NRG1: variants seen among roughly 807,000 people sequenced by gnomAD.
The protein encoded by NRG1 is pro-neuregulin-1, membrane-bound isoform.
Under a neutral mutation model 63.8 loss-of-function variants are expected in NRG1, and 18 were observed. The observed-to-expected ratio is 0.28, with a 90% CI of 0.19 to 0.42. NRG1 has a LOEUF of 0.42. Among genes scored for constraint, NRG1 ranks in the 10% least tolerant of loss-of-function variants. The probability of loss-of-function intolerance (pLI) is 1.00; values close to 1 mark genes in which losing one functional copy is unlikely to be tolerated. For missense variants in NRG1, 762 were observed against 814.7 expected (o/e 0.94, Z 0.79); for synonymous variants, 302 against 301.3 (o/e 1.00, Z -0.02).
intron 1 of NRG1, among the ~76,000 whole-genome samples, chr8:31,980,505 G>T (rs901039177): frequency 6.6e-5 from 10 of 151,940 alleles, no homozygotes; most frequent in African/African-American, 2.4e-4. Flanking sequence ...TTACATTTTG[G>T]CTTAGAAAAT....
intron 1 of NRG1, among the ~76,000 whole-genome samples, chr8:32,249,335 A>G (rs181721651): frequency 5.1e-4 from 77 of 152,232 alleles, no homozygotes; most frequent in African/African-American, 1.7e-3. Flanking sequence ...ACATGTAGAC[A>G]TTAAAGCAGA....
intron 1 of NRG1, among the ~76,000 whole-genome samples, chr8:31,790,001 C>T (rs772199521): frequency 2.6e-5 from 4 of 151,962 alleles, no homozygotes; most frequent in Non-Finnish European, 4.4e-5. Context: ...CAATAATATG[C>T]GGGTAAAAGG....
intron 1 of NRG1, among the ~76,000 whole-genome samples, chr8:31,807,012 A>G (rs532357802): frequency 4.6e-4 from 70 of 152,378 alleles, no homozygotes; most frequent in African/African-American, 1.6e-3. Flanking sequence ...CGTATCTCCA[A>G]GGAAAACTAC....
intron 1 of NRG1, among the ~76,000 whole-genome samples, chr8:32,092,808 A>G (rs949705906): frequency 2.0e-5 from 3 of 152,162 alleles, no homozygotes; most frequent in Admixed American, 6.5e-5. Flanking sequence ...CCAGTGCACC[A>G]TGCATTGCAA....
chr8:31,772,764 A>G lies in NRG1; in HGVS notation c.37+133333A>G, dbSNP rs568088353. On this transcript the variant is annotated intron_variant, in intron 1 of 10. Transcript: ENST00000519301. ...CTCTGAAGCAGACTGGGTTGTTGTA[A>G]TGGCAAAGGGGGAACCTAAAAAATT... Among the ~76,000 whole-genome samples the G allele has an allele frequency of 3.9e-5, 6 of 152,282 alleles. No homozygotes were observed. The South Asian group carries it at 1.2e-3, about 32-fold the overall frequency.
At chr8:32,174,823 A>T (rs184411648) in intron 1 of NRG1, among the ~76,000 whole-genome samples, 11 of 152,294 alleles carry the variant, frequency 7.2e-5, no homozygotes, top group Admixed American at 2.6e-4. Flanking sequence ...GAGGCTCTGA[A>T]ATTGAGGCAA....
At chr8:32,506,894 TA>T (rs1828603111) in intron 1 of NRG1, among the ~76,000 whole-genome samples, 1 of 151,988 alleles carries the variant, frequency 6.6e-6, no homozygotes, top group Non-Finnish European at 1.5e-5. Flanking sequence ...AAAAATAAGA[TA>T]AAAAAAGCAG....
intron 1 of NRG1, among the ~76,000 whole-genome samples, chr8:31,742,419 A>T (rs1815371158): frequency 6.8e-6 from 1 of 146,532 alleles, no homozygotes; most frequent in Non-Finnish European, 1.5e-5. Flanking sequence ...AATAGGAATG[A>T]TATGGAACCA....
intron 1 of NRG1, among the ~76,000 whole-genome samples, chr8:31,645,556 A>G (rs1804207094): frequency 6.6e-6 from 1 of 152,206 alleles, no homozygotes; most frequent in Non-Finnish European, 1.5e-5. Context: ...TTAAAAATAG[A>G]TTGACTAGTC....
chr8:31,743,131 A>C (rs1413781780), intron 1 of NRG1, among the ~76,000 whole-genome samples: 3 of 151,948 alleles, frequency 2.0e-5, no homozygotes, highest in Non-Finnish European at 4.4e-5. Flanking sequence ...ATCCATTGTA[A>C]ATGTGCCTTC....
intron 1 of NRG1, among the ~76,000 whole-genome samples, chr8:31,952,211 A>G (rs1162809922): frequency 6.6e-6 from 1 of 152,242 alleles, no homozygotes; most frequent in Non-Finnish European, 1.5e-5. Context: ...TTTAGCGCCT[A>G]CTAGAAACCA....
At chr8:32,576,075 G>A (rs1222218788) in intron 1 of NRG1, among the ~76,000 whole-genome samples, 1 of 152,074 alleles carries the variant, frequency 6.6e-6, no homozygotes, top group African/African-American at 2.4e-5. Flanking sequence ...CTGTGGAATG[G>A]CTAAAGCAAG....
chr8:31,811,008 C>G (rs1822830571), intron 1 of NRG1, among the ~76,000 whole-genome samples: 1 of 152,092 alleles, frequency 6.6e-6, no homozygotes, highest in African/African-American at 2.4e-5. Flanking sequence ...CTTTATGGTG[C>G]CTCTCTCTCT....
intron 5 of NRG1, among the ~76,000 whole-genome samples, chr8:32,629,546 A>G (rs1849901762): frequency 6.6e-6 from 1 of 152,232 alleles, no homozygotes; most frequent in African/African-American, 2.4e-5. Context: ...TTCACTTTAA[A>G]TCATGGGCAC....
At chr8:31,936,940 A>G (rs1435586527) in intron 1 of NRG1, among the ~76,000 whole-genome samples, 1 of 152,246 alleles carries the variant, frequency 6.6e-6, no homozygotes, top group Non-Finnish European at 1.5e-5. Context: ...CAGATTACAT[A>G]TGTAAGATAA....
chr8:32,059,143 GT>G (rs375143116), intron 1 of NRG1, among the ~76,000 whole-genome samples: 50 of 151,946 alleles, frequency 3.3e-4, no homozygotes, highest in African/African-American at 1.0e-3. Flanking sequence ...TCAAATAAAT[GT>G]TTTTTTCCTT....
chr8:32,765,540 A>C (rs1831359607), exon 12 of NRG1: 1 of 152,212 alleles, frequency 6.6e-6, no homozygotes, highest in Non-Finnish European at 1.5e-5. Context: ...GAAATTTTAA[A>C]ATGTGGATGA....
intron 1 of NRG1, among the ~76,000 whole-genome samples, chr8:32,265,111 G>A (rs1850780783): frequency 6.6e-6 from 1 of 152,166 alleles, no homozygotes; most frequent in Non-Finnish European, 1.5e-5. Context: ...GCCAAGGCAG[G>A]AGGATTGCTT....
At chr8:31,947,962 A>C (rs973789958) in intron 1 of NRG1, among the ~76,000 whole-genome samples, 4 of 150,246 alleles carry the variant, frequency 2.7e-5, no homozygotes, top group Non-Finnish European at 4.4e-5. Context: ...AAAAAAAAAA[A>C]AAAAAAAAAA....
Sources: gnomAD v4.1 joint callset for allele counts (sites outside exome capture counted in the v4.1 genomes callset) on GRCh38, gnomAD v4.1.1 for gene constraint, MANE v1.5 for transcripts, NCBI Gene and HGNC (gene_info 2026-07-23, HGNC 2026-07-21) for gene names.